The following EML1 variants were observed in gnomAD, a reference collection of about 807,000 sequenced individuals.
EML1 encodes the protein EMAP like 1, also known as echinoderm microtubule-associated protein-like 1.
EML1 carries 27 observed loss-of-function variants against 110.4 expected under a neutral mutation model. The observed-to-expected ratio is 0.24, with a 90% confidence interval of 0.18 to 0.34. The LOEUF is 0.34. Ranked by LOEUF, EML1 falls within the 10% of genes least tolerant of loss-of-function variation. The probability of loss-of-function intolerance (pLI) is 1.00; values close to 1 mark genes in which losing one functional copy is unlikely to be tolerated. For synonymous variants in EML1, 344 were observed against 385.8 expected (o/e 0.89, Z 1.27); for missense variants, 741 against 1,030.9 (o/e 0.72, Z 3.85).
chr14:99,917,343 G>T (rs1181701182), intron 15 of EML1, among the ~76,000 whole-genome samples: 3 of 152,176 alleles, frequency 2.0e-5, no homozygotes, highest in African/African-American at 7.2e-5. Context: ...GCAGAGACAG[G>T]AGGATCACTT....
chr14:99,839,898 G>C (rs925206833), intron 1 of EML1, among the ~76,000 whole-genome samples: 7 of 152,232 alleles, frequency 4.6e-5, no homozygotes, highest in Admixed American at 3.3e-4. Flanking sequence ...GGAGAACTGG[G>C]AGTCTGAGAA....
chr14:99,825,273 C>G (rs534006216), intron 1 of EML1, among the ~76,000 whole-genome samples: 1 of 152,284 alleles, frequency 6.6e-6, no homozygotes, highest in Non-Finnish European at 1.5e-5. Context: ...AGTATGAGCC[C>G]TGTGCCTGGC....
At chr14:99,822,774 G>T (rs1198558378) in intron 1 of EML1, among the ~76,000 whole-genome samples, 1 of 152,140 alleles carries the variant, frequency 6.6e-6, no homozygotes, top group Admixed American at 6.5e-5. Flanking sequence ...GCAGGGGGTG[G>T]CAGTAGAGGA....
chr14:99,855,445 C>T (rs2058886419), intron 2 of EML1, among the ~76,000 whole-genome samples: 1 of 152,178 alleles, frequency 6.6e-6, no homozygotes, highest in Admixed American at 6.5e-5. Flanking sequence ...CATGTGTTTT[C>T]AAGAAGACAG....
At chr14:99,901,524 C>T (rs527505646) in intron 9 of EML1, among the ~76,000 whole-genome samples, 2 of 152,332 alleles carry the variant, frequency 1.3e-5, no homozygotes, top group South Asian at 2.1e-4. Context: ...AATGTCTACT[C>T]TATAGAGCAG....
intron 17 of EML1, among the ~76,000 whole-genome samples, chr14:99,926,815 C>T (rs1437777393): frequency 6.6e-6 from 1 of 151,858 alleles, no homozygotes; most frequent in Non-Finnish European, 1.5e-5. Context: ...GTGATCTCAG[C>T]TCACTGCAAC....
chr14:99,935,830 C>A (rs2060460979), intron 17 of EML1, among the ~76,000 whole-genome samples, 199 bp from the exon 18 acceptor site: 1 of 149,464 alleles, frequency 6.7e-6, no homozygotes, highest in South Asian at 2.1e-4. Flanking sequence ...CAGGTTTTAT[C>A]ATCTGGCCAG....
intron 1 of EML1, among the ~76,000 whole-genome samples, chr14:99,802,255 G>T (rs1260527513): frequency 6.6e-6 from 1 of 152,188 alleles, no homozygotes; most frequent in African/African-American, 2.4e-5. Context: ...GCTTGCAGTA[G>T]GACTGGGAGC....
chr14:99,739,095 A>C (rs77172998), intron 1 of EML1, among the ~76,000 whole-genome samples: 1 of 61,634 alleles, frequency 1.6e-5, no homozygotes, highest in Admixed American at 1.8e-4. Context: ...TGTGTGTGAG[A>C]GAGAGAGACA....
At position 99,820,050 on chromosome 14, in the gene EML1, T is replaced by C. The variant is rs562543041; in HGVS notation, c.67+26507T>C. ...GCCTGGGGGGTTCCAATGGAAGAGC[T>C]GAGCATGTCTGGAGGATGTTCCTGT... is the stretch of plus-strand genomic sequence containing the variant. On this transcript the variant is annotated intron_variant, in intron 1 of 21. Transcript: ENST00000262233. 5.3e-5 allele frequency among the ~76,000 whole-genome samples: 8 copies of C among 152,336 alleles called. No homozygotes were observed. In the East Asian group the frequency reaches 1.5e-3, roughly 29 times the overall value.
chr14:99,921,774 AC>A (rs1377982020), intron 17 of EML1, among the ~76,000 whole-genome samples: 4 of 152,196 alleles, frequency 2.6e-5, no homozygotes, highest in African/African-American at 9.7e-5. Context: ...ACAATAATGA[AC>A]CATTATAAAT....
At chr14:99,913,952 C>T (rs953610845) in intron 13 of EML1, among the ~76,000 whole-genome samples, 2 of 151,970 alleles carry the variant, frequency 1.3e-5, no homozygotes, top group African/African-American at 2.4e-5. Context: ...AGCCTCCCAA[C>T]GTGCTGGGAT....
chr14:99,910,702 G>A (rs1324911328), intron 12 of EML1, among the ~76,000 whole-genome samples: 1 of 152,156 alleles, frequency 6.6e-6, no homozygotes, highest in Non-Finnish European at 1.5e-5. Flanking sequence ...TATCTAGCAT[G>A]TGGCAGACAT....
intron 1 of EML1, among the ~76,000 whole-genome samples, chr14:99,842,251 G>C (rs1039807212): frequency 2.6e-5 from 4 of 152,176 alleles, no homozygotes; most frequent in African/African-American, 9.7e-5. Context: ...AGATTCAAAT[G>C]GTTTGTGTTG....
In EML1 at chr14:99,871,008, G is replaced by A. The variant is rs368373907; in HGVS notation, c.383+5362G>A. 2.0e-4 allele frequency among the ~76,000 whole-genome samples: 31 copies of A among 152,112 alleles called. No individual in the cohort carries two copies. In the East Asian group the frequency reaches 5.6e-3, roughly 28 times the overall value. ...GTCTTGCTCTGTCACCCAGGCTGGAGTGCAGTGGCGCGATTTTGGCTCACT... is the reference window on the plus strand; with the variant it reads ...GTCTTGCTCTGTCACCCAGGCTGGAATGCAGTGGCGCGATTTTGGCTCACT... On this transcript the variant is annotated intron_variant, in intron 3 of 21. Transcript: ENST00000262233.
intron 1 of EML1, among the ~76,000 whole-genome samples, chr14:99,820,921 C>A (rs2058250279): frequency 6.6e-6 from 1 of 152,072 alleles, no homozygotes; most frequent in Non-Finnish European, 1.5e-5. Flanking sequence ...AACAGTGGAA[C>A]CACTTGCCTT....
chr14:99,922,396 G>A (rs1487713657), intron 17 of EML1, among the ~76,000 whole-genome samples: 4 of 152,138 alleles, frequency 2.6e-5, no homozygotes, highest in Non-Finnish European at 4.4e-5. Context: ...GTTTACAGGC[G>A]TGAGCCACCG....
chr14:99,884,670 A>G (rs1349549920), intron 4 of EML1, among the ~76,000 whole-genome samples: 1 of 152,254 alleles, frequency 6.6e-6, no homozygotes, highest in African/African-American at 2.4e-5. Context: ...GATCTAAGTA[A>G]GAAGATAACA....
upstream of EML1, among the ~76,000 whole-genome samples, chr14:99,771,685 G>C (rs971233287): frequency 6.6e-6 from 1 of 152,170 alleles, no homozygotes; most frequent in Non-Finnish European, 1.5e-5. Flanking sequence ...GGTGGTGTGT[G>C]CCTGCAGTCC....
Sources: gnomAD v4.1 joint callset for allele counts (sites outside exome capture counted in the v4.1 genomes callset) on GRCh38, gnomAD v4.1.1 for gene constraint, MANE v1.5 for transcripts, NCBI Gene and HGNC (gene_info 2026-07-23, HGNC 2026-07-21) for gene names.